Variants in IQCH observed in about 807,000 individuals in gnomAD.
IQCH encodes the protein IQ domain-containing protein H.
IQCH carries 98 observed loss-of-function variants against 117.0 expected under a neutral mutation model. The observed-to-expected ratio is 0.84, with a 90% confidence interval of 0.71 to 0.99. The LOEUF (loss-of-function observed/expected upper bound fraction) is 0.99, where lower values mean the gene tolerates loss of function less well. Ranked by LOEUF, IQCH falls within the 50% of genes least tolerant of loss-of-function variation. IQCH has a pLI of 0.00. For synonymous variants in IQCH, 412 were observed against 448.2 expected (o/e 0.92, Z 1.02); for missense variants, 1,102 against 1,243.8 (o/e 0.89, Z 1.72).
At chr15:67,350,994 T>C (rs1395126926) in intron 6 of IQCH, among the ~76,000 whole-genome samples, 1 of 152,178 alleles carries the variant, frequency 6.6e-6, no homozygotes, top group Non-Finnish European at 1.5e-5. Flanking sequence ...CTCCCTGAAA[T>C]ACTGAATTAG....
chr15:67,347,214 A>G (rs1363714768), intron 6 of IQCH, among the ~76,000 whole-genome samples: 1 of 151,976 alleles, frequency 6.6e-6, no homozygotes, highest in African/African-American at 2.4e-5. Flanking sequence ...AAAAAAAAAA[A>G]AAAGGAATTC....
Position 67,459,206 on chromosome 15 carries a change from A to C in IQCH, c.2506-5921A>C, listed in dbSNP as rs1472434748. On this transcript the variant is annotated intron_variant, in intron 16 of 20. Coordinates refer to ENST00000335894, the MANE Select transcript of IQCH (RefSeq NM_001031715.3). This position sits in a 1 kb window ranked among gnomAD's most constrained non-coding sequence, Gnocchi z 4.2. ...TCTGGTTCTTCTTACAAAAAGAAAA[A>C]GAGGAAGAAGACGATAAGAAAACTT... is the stretch of plus-strand genomic sequence containing the variant. 1.3e-5 allele frequency among the ~76,000 whole-genome samples: 2 copies of C among 152,178 alleles called. No individual in the cohort carries two copies. Among genetic ancestry groups the C allele is most frequent in the Non-Finnish European group, 2.9e-5 (2 of 68,028 alleles).
intron 3 of IQCH, among the ~76,000 whole-genome samples, chr15:67,269,885 T>C (rs938570480): frequency 2.6e-5 from 4 of 152,212 alleles, no homozygotes; most frequent in African/African-American, 7.2e-5. Context: ...CATTCATCCA[T>C]TGATGGGCAC....
At chr15:67,461,482 G>T (rs563627277) in intron 16 of IQCH, among the ~76,000 whole-genome samples, 132 of 152,318 alleles carry the variant, frequency 8.7e-4, no homozygotes, top group Admixed American at 3.7e-3. Flanking sequence ...CAGTCTAGAA[G>T]GGGAGATAGG....
intron 3 of IQCH, among the ~76,000 whole-genome samples, chr15:67,273,107 G>A (rs949768077): frequency 1.3e-5 from 2 of 151,836 alleles, no homozygotes; most frequent in Non-Finnish European, 2.9e-5. Context: ...GTCTCTCTCT[G>A]TCGCCCAGGC....
At chr15:67,363,905 C>T (rs936679603) in intron 8 of IQCH, among the ~76,000 whole-genome samples, 2 of 152,192 alleles carry the variant, frequency 1.3e-5, no homozygotes, top group Admixed American at 6.5e-5. Context: ...TCCATGGCTG[C>T]ATAGTATTCC....
chr15:67,284,824 A>G (rs891312147), intron 4 of IQCH, among the ~76,000 whole-genome samples: 3 of 152,140 alleles, frequency 2.0e-5, no homozygotes, highest in African/African-American at 7.2e-5. Flanking sequence ...TCCATGGTGT[A>G]TATCTACCAC....
At chr15:67,326,271 T>C (rs180942632) in intron 4 of IQCH, among the ~76,000 whole-genome samples, 1 of 152,240 alleles carries the variant, frequency 6.6e-6, no homozygotes, top group Non-Finnish European at 1.5e-5. Context: ...TCCAGCTTCA[T>C]CCATGTCCCT....
intron 7 of IQCH, among the ~76,000 whole-genome samples, 161 bp downstream of exon 7, chr15:67,357,582 T>C (rs186371447): frequency 2.2e-4 from 33 of 152,336 alleles, no homozygotes; most frequent in African/African-American, 7.9e-4. Flanking sequence ...AGGGGAATTG[T>C]ACAAGTCAAC....
In IQCH at chr15:67,359,198, C is replaced by T. The variant is rs1373804742; in HGVS notation, c.715-649C>T. On this transcript the variant is annotated intron_variant, in intron 7 of 20. Coordinates refer to ENST00000335894, the MANE Select transcript of IQCH (RefSeq NM_001031715.3). The surrounding 1 kb of genome is among the most constrained non-coding windows in gnomAD (Gnocchi z 4.5). The stretch of plus-strand genomic sequence containing the variant: ...ATAGATAACAGATCTACAGGTAATA[C>T]AAATATTATGACTAGGTTTTAGCCA... Among the ~76,000 whole-genome samples the T allele has an allele frequency of 2.6e-5, 4 of 152,136 alleles. No homozygotes were observed. The highest frequency in any genetic ancestry group is 9.7e-5 in the African/African-American group (4 of 41,424).
intron 6 of IQCH, among the ~76,000 whole-genome samples, chr15:67,346,073 A>G (rs560184570): frequency 1.3e-5 from 2 of 152,260 alleles, no homozygotes; most frequent in South Asian, 4.1e-4. Flanking sequence ...ATGGAAAAAG[A>G]TACCATACAA....
rs1467283919 is a variant in IQCH at position 67,371,976 on chromosome 15, G to A, written c.754-135G>A. On this transcript the variant is annotated intron_variant, in intron 8 of 20. Transcript: ENST00000335894. ...GCTAGACTTTCGTATTATGACGTGT[G>A]TGTTAAATCAGTGCTAGGATTCATA... 4.8e-5 allele frequency: 35 copies of A among 735,320 alleles called. No homozygotes were observed. The South Asian group carries it at 5.7e-4, about 12-fold the overall frequency. 45.5% of individuals were successfully genotyped at this position (735,320 alleles called of 1,614,324 possible). A position where few individuals can be genotyped will look rare whatever the true frequency, so the allele number is the denominator to read the frequency against.
intron 16 of IQCH, among the ~76,000 whole-genome samples, chr15:67,464,192 C>T (rs548559363): frequency 2.0e-5 from 3 of 152,288 alleles, no homozygotes; most frequent in African/African-American, 4.8e-5. Flanking sequence ...GTGACTAGGA[C>T]GATGATATGC....
chr15:67,261,416 A>G, intron 2 of IQCH, 22 bp downstream of exon 2: 1 of 1,562,050 alleles, frequency 6.4e-7, no homozygotes. Context: ...TTTAGATATT[A>G]AAATACTGGA....
intron 6 of IQCH, among the ~76,000 whole-genome samples, chr15:67,351,484 G>A (rs1368126882): frequency 6.6e-6 from 1 of 152,300 alleles, no homozygotes; most frequent in South Asian, 2.1e-4. Context: ...ATTCCTTCAC[G>A]TTTCCTACTG....
intron 6 of IQCH, among the ~76,000 whole-genome samples, chr15:67,352,828 A>G (rs1969723047): frequency 6.6e-6 from 1 of 152,158 alleles, no homozygotes; most frequent in African/African-American, 2.4e-5. Context: ...CTGTAGACCA[A>G]TGTCTTTCAT....
At chr15:67,286,237 G>A (rs375342913) in intron 4 of IQCH, among the ~76,000 whole-genome samples, 4 of 151,864 alleles carry the variant, frequency 2.6e-5, no homozygotes, top group Non-Finnish European at 4.4e-5. Context: ...CACATTGTTC[G>A]CTGTGGGCTT....
At chr15:67,346,769 T>A (rs553593913) in intron 6 of IQCH, among the ~76,000 whole-genome samples, 1 of 152,130 alleles carries the variant, frequency 6.6e-6, no homozygotes, top group African/African-American at 2.4e-5. Flanking sequence ...CAAATGCACA[T>A]GGAACATTCA....
At chr15:67,269,023 A>G (rs1425382623) in intron 3 of IQCH, among the ~76,000 whole-genome samples, 1 of 86,752 alleles carries the variant, frequency 1.2e-5, no homozygotes, top group East Asian at 7.6e-4. Context: ...TACACTTGCT[A>G]AAAAAAAAAA....
Sources: allele counts gnomAD v4.1 joint callset (sites outside exome capture counted in the v4.1 genomes callset), GRCh38; gene constraint gnomAD v4.1.1; non-coding constraint Gnocchi (gnomAD v3.1); transcripts MANE v1.5; gene names NCBI Gene and HGNC (gene_info 2026-07-23, HGNC 2026-07-21).